MACF1: variants seen among roughly 807,000 people sequenced by gnomAD.
MACF1 encodes the protein microtubule-actin cross-linking factor 1.
A neutral mutation model predicts 854.8 loss-of-function variants in MACF1; 193 were observed. The observed-to-expected ratio is 0.23, with a 90% CI of 0.20 to 0.25. The LOEUF is 0.25. MACF1 is among the 10% of genes least tolerant of loss of function. The probability of loss-of-function intolerance (pLI) is 1.00; values close to 1 mark genes in which losing one functional copy is unlikely to be tolerated. For synonymous variants in MACF1, 3,185 were observed against 3,226.7 expected (o/e 0.99, Z 0.44); for missense variants, 7,722 against 8,929.1 (o/e 0.86, Z 5.45).
At chr1:39,146,486 C>T (rs930126124) in intron 2 of MACF1, among the ~76,000 whole-genome samples, 4 of 150,380 alleles carry the variant, frequency 2.7e-5, no homozygotes, top group African/African-American at 9.8e-5. Flanking sequence ...AGAAAATGTA[C>T]ATATACACAA....
chr1:39,170,513 T>G (rs1235609345), intron 2 of MACF1, among the ~76,000 whole-genome samples: 3 of 152,224 alleles, frequency 2.0e-5, no homozygotes, highest in African/African-American at 4.8e-5. Context: ...GACAAATATT[T>G]GTTGGTCAAC....
chr1:39,231,249 A>G lies in MACF1; in HGVS notation c.171+6A>G, dbSNP rs964716740. On this transcript the variant is annotated splice_donor_region_variant and intron_variant, in intron 2 of 100. Coordinates refer to ENST00000564288, the MANE Select transcript of MACF1 (RefSeq NM_001394062.1). ...TCAACAAGCACTTAATGAAGGTAGG[A>G]CCCTTTCATATATATGCTGCCCCAG... 3 of 1,613,338 alleles carry G rather than the reference A, an allele frequency of 1.9e-6. No individual in the cohort carries two copies. The highest frequency in any genetic ancestry group is 2.5e-6 in the Non-Finnish European group (3 of 1,179,342).
Position 39,084,208 on chromosome 1 carries a change from C to G in MACF1, c.-11C>G, listed in dbSNP as rs778666724. ...CTCCCAGGCCCTCCTGCAGCAGCCCCCGCCTGGGCCATGTCTTCCTCAGAT... is the reference window on the plus strand; with the variant it reads ...CTCCCAGGCCCTCCTGCAGCAGCCCGCGCCTGGGCCATGTCTTCCTCAGAT... On this transcript the variant is annotated 5_prime_UTR_variant, in exon 2 of 94. Transcript: ENST00000361689. The surrounding 1 kb of genome is among the most constrained non-coding windows in gnomAD (Gnocchi z 5.2). 6.2e-7 allele frequency: 1 copy of G among 1,611,426 alleles called. No homozygotes were observed. The highest frequency in any genetic ancestry group is 2.2e-5 in the East Asian group (1 of 44,874).
Position 39,226,468 on chromosome 1 carries a change from G to A in MACF1, c.110-4714G>A, listed in dbSNP as rs559253421. Reference sequence around the variant, plus strand: ...CAGTTCTCCTGCGTCAGCCTTCCGAGTAGCTGGGATTACAGGCGTGTGCCA... The same window carrying A: ...CAGTTCTCCTGCGTCAGCCTTCCGAATAGCTGGGATTACAGGCGTGTGCCA... On this transcript the variant is annotated intron_variant, in intron 1 of 100. Transcript: ENST00000564288. Among the ~76,000 whole-genome samples the A allele has an allele frequency of 3.9e-5, 6 of 152,072 alleles. No homozygotes were observed. The East Asian group carries it at 1.2e-3, about 29-fold the overall frequency.
intron 20 of MACF1, among the ~76,000 whole-genome samples, chr1:39,297,289 C>T (rs1343198919): frequency 6.6e-6 from 1 of 152,132 alleles, no homozygotes; most frequent in Non-Finnish European, 1.5e-5. Flanking sequence ...CATTTGATCA[C>T]TCAGCCTTAG....
intron 3 of MACF1, among the ~76,000 whole-genome samples, chr1:39,251,481 T>C (rs1303678043): frequency 2.0e-5 from 3 of 152,250 alleles, no homozygotes; most frequent in Non-Finnish European, 4.4e-5. Flanking sequence ...ATCTAATTTC[T>C]TTTCCTAACC....
chr1:39,393,196 A>AATATATATATATAT (rs1553345251), intron 58 of MACF1, among the ~76,000 whole-genome samples: 34 of 66,514 alleles, frequency 5.1e-4, no homozygotes, highest in African/African-American at 9.3e-4. Flanking sequence ...AAAAAAAAAA[A>AATATATATATATAT]ATATATATAT....
chr1:39,267,827 T>G (rs6699928), intron 6 of MACF1, among the ~76,000 whole-genome samples: 91,153 of 152,020 alleles, frequency 0.6, 29,392 homozygotes, highest in South Asian at 0.78. Flanking sequence ...TTTTCCTGTC[T>G]GTGTCATTGG....
intron 65 of MACF1, among the ~76,000 whole-genome samples, 187 bp from the exon 66 acceptor site, chr1:39,430,515 A>T (rs1643862359): frequency 6.6e-6 from 1 of 152,178 alleles, no homozygotes; most frequent in African/African-American, 2.4e-5. Flanking sequence ...GTTCTAAGCA[A>T]GCAACAATGA....
At chr1:39,284,290 C>A in intron 10 of MACF1, 43 bp from the exon 11 acceptor site, 1 of 1,566,340 alleles carries the variant, frequency 6.4e-7, no homozygotes, top group South Asian at 1.2e-5. Context: ...AAATTGGGTC[C>A]TATAGTTTGT....
At chr1:39,176,109 C>CAAAAAAAAAAAAAAAAGAAAAAA (rs1644023044) in intron 2 of MACF1, among the ~76,000 whole-genome samples, 1 of 13,324 alleles carries the variant, frequency 7.5e-5, no homozygotes, top group Non-Finnish European at 2.8e-4. Context: ...GACTCCTTCT[C>CAAAAAAAAAAAAAAAAGAAAAAA]AAAAAAAAAA....
chr1:39,193,504 T>C (rs1325065012), intron 2 of MACF1, among the ~76,000 whole-genome samples: 1 of 152,240 alleles, frequency 6.6e-6, no homozygotes, highest in Non-Finnish European at 1.5e-5. Flanking sequence ...AGGAGGTCTC[T>C]TGTGTGGTAA....
At chr1:39,367,237 G>A (rs746082679) in intron 49 of MACF1, among the ~76,000 whole-genome samples, 16 of 151,714 alleles carry the variant, frequency 1.1e-4, no homozygotes, top group South Asian at 4.2e-4. Context: ...GTGAGCCACC[G>A]TGCCTGGCCA....
intron 2 of MACF1, among the ~76,000 whole-genome samples, chr1:39,142,589 T>C (rs1643368048): frequency 6.6e-6 from 1 of 152,200 alleles, no homozygotes; most frequent in Admixed American, 6.5e-5. Context: ...GGTTGAGCAA[T>C]GCTTGGTATT....
chr1:39,196,065 C>G (rs989096939), intron 2 of MACF1, among the ~76,000 whole-genome samples: 2 of 152,208 alleles, frequency 1.3e-5, no homozygotes, highest in Non-Finnish European at 2.9e-5. Context: ...AACACATTAA[C>G]TCATTCATCC....
At chr1:39,141,481 C>G (rs373564297) in intron 2 of MACF1, among the ~76,000 whole-genome samples, 15 of 152,234 alleles carry the variant, frequency 9.9e-5, no homozygotes, top group African/African-American at 3.6e-4. Context: ...CATTTATTAA[C>G]TGAACTTGGG....
intron 78 of MACF1, among the ~76,000 whole-genome samples, chr1:39,443,220 C>T (rs1644155249): frequency 6.6e-6 from 1 of 152,178 alleles, no homozygotes; most frequent in Non-Finnish European, 1.5e-5. Flanking sequence ...ATAGTCAATT[C>T]ATCTGATCGT....
intron 58 of MACF1, chr1:39,413,093 A>T: frequency 6.2e-7 from 1 of 1,605,234 alleles, no homozygotes; most frequent in Non-Finnish European, 8.5e-7. Context: ...ATCACACAGG[A>T]GGGTATGTCA....
chr1:39,127,327 G>C (rs1432337385), intron 2 of MACF1, among the ~76,000 whole-genome samples: 1 of 152,226 alleles, frequency 6.6e-6, no homozygotes, highest in East Asian at 1.9e-4. Context: ...GTTGGTGGGA[G>C]TTCCTTCGTT....
Sources: allele counts gnomAD v4.1 joint callset (sites outside exome capture counted in the v4.1 genomes callset), GRCh38; gene constraint gnomAD v4.1.1; non-coding constraint Gnocchi (gnomAD v3.1); transcripts MANE v1.5; gene names NCBI Gene and HGNC (gene_info 2026-07-23, HGNC 2026-07-21).